SYCP2: variants seen among roughly 807,000 people sequenced by gnomAD.
SYCP2 encodes the protein synaptonemal complex protein 2.
Under a neutral mutation model 211.3 loss-of-function variants are expected in SYCP2, and 55 were observed. The observed-to-expected ratio is 0.26, with a 90% confidence interval of 0.21 to 0.33. The LOEUF (loss-of-function observed/expected upper bound fraction) is 0.33, where lower values mean the gene tolerates loss of function less well. Ranked by LOEUF, SYCP2 falls within the 10% of genes least tolerant of loss-of-function variation. The probability of loss-of-function intolerance (pLI) is 1.00; values close to 1 mark genes in which losing one functional copy is unlikely to be tolerated. For missense variants in SYCP2, 1,731 were observed against 1,752.0 expected, an observed-to-expected ratio of 0.99 and a Z score of 0.21; for synonymous variants, 570 against 555.2, an observed-to-expected ratio of 1.03 and a Z score of -0.37.
chr20:59,914,636 GATTT>G (rs1050351597), intron 10 of SYCP2, among the ~76,000 whole-genome samples: 73 of 152,016 alleles, frequency 4.8e-4, no homozygotes, highest in African/African-American at 1.6e-3. Context: ...TTTAAACCAT[GATTT>G]ATTCTACATG....
chr20:59,912,051 A>G, intron 13 of SYCP2: 1 of 417,676 alleles, frequency 2.4e-6, no homozygotes, highest in East Asian at 3.8e-5. Flanking sequence ...ACTAGCTCCA[A>G]GAAATTATGA....
Position 59,880,295 on chromosome 20 carries a change from T to C in SYCP2, c.2941+8A>G. On this transcript the variant is annotated splice_region_variant and intron_variant, in intron 31 of 44. Coordinates refer to ENST00000357552, the MANE Select transcript of SYCP2 (RefSeq NM_014258.4). ...TTTGCAACATTTATCCAAAAGATAA[T>C]TTCTTACTTGATTTTCCACTTTTAT... 6.4e-7 allele frequency: 1 copy of C among 1,560,012 alleles called. No homozygotes were observed. The highest frequency in any genetic ancestry group is 2.3e-5 in the East Asian group (1 of 43,720).
At chr20:59,918,918 T>C (rs2060490271) in intron 7 of SYCP2, among the ~76,000 whole-genome samples, 1 of 152,122 alleles carries the variant, frequency 6.6e-6, no homozygotes, top group South Asian at 2.1e-4. Context: ...AAATTATTCA[T>C]AGAAATTTGT....
intron 24 of SYCP2, among the ~76,000 whole-genome samples, chr20:59,890,613 C>G (rs951078938): frequency 6.6e-6 from 1 of 151,868 alleles, no homozygotes; most frequent in Non-Finnish European, 1.5e-5. Context: ...TAGGTAGAGA[C>G]AGTGATTCAT....
chr20:59,927,772 T>C (rs753304123), intron 2 of SYCP2, among the ~76,000 whole-genome samples: 17 of 152,132 alleles, frequency 1.1e-4, no homozygotes, highest in Non-Finnish European at 2.4e-4. Flanking sequence ...AAATATTTGA[T>C]TGGTAAATTT....
intron 12 of SYCP2, among the ~76,000 whole-genome samples, chr20:59,913,706 G>C (rs192330749): frequency 1.3e-4 from 20 of 152,078 alleles, no homozygotes; most frequent in Non-Finnish European, 2.1e-4. Flanking sequence ...AACATCTAAA[G>C]TTATTAATTA....
intron 2 of SYCP2, among the ~76,000 whole-genome samples, chr20:59,930,428 C>G (rs1176655301): frequency 6.6e-6 from 1 of 152,146 alleles, no homozygotes; most frequent in Non-Finnish European, 1.5e-5. Flanking sequence ...CAAATCCTTC[C>G]CCTGCAAAGC....
At chr20:59,899,606 G>A (rs757839537) in intron 18 of SYCP2, among the ~76,000 whole-genome samples, 2 of 152,120 alleles carry the variant, frequency 1.3e-5, no homozygotes, top group Admixed American at 6.5e-5. Context: ...AAAGGGAACC[G>A]TGGTATACAA....
At chr20:59,891,931 T>C in intron 24 of SYCP2, 59 bp downstream of exon 24, 5 of 1,397,194 alleles carry the variant, frequency 3.6e-6, no homozygotes, top group Non-Finnish European at 3.9e-6. Context: ...CTTTCTTTCT[T>C]ATGTTATCAA....
At position 59,881,473 on chromosome 20, in the gene SYCP2, G is replaced by A. The variant is rs199716008; in HGVS notation, c.2678C>T (p.Thr893Ile). The change falls in exon 29 of 45, where the codon ACA becomes ATA. Residue 893 changes from threonine to isoleucine, a missense_variant. By Grantham distance (89) the Thr-to-Ile change is moderately conservative. This residue lies in a region of SYCP2 where 1,387 missense variants were observed against 1,351.3 expected (regional missense o/e 1.03). Transcript: ENST00000357552. ...CCTATCCGCACAAGCTTCTTTAGCTGTAGCTTGAAACTCTTGGATCTATAT... is the reference window on the plus strand; with the variant it reads ...CCTATCCGCACAAGCTTCTTTAGCTATAGCTTGAAACTCTTGGATCTATAT... ...IKLGIQEFQA[T>I]AKEACADRSI... The A allele has an allele frequency of 3.3e-6, 5 of 1,535,746 alleles. No individual in the cohort carries two copies. In the African/African-American group the frequency reaches 4.2e-5, roughly 13 times the overall value.
At chr20:59,870,441 GTCT>G (rs1327136434) in intron 35 of SYCP2, among the ~76,000 whole-genome samples, 1 of 151,572 alleles carries the variant, frequency 6.6e-6, no homozygotes, top group Non-Finnish European at 1.5e-5. Flanking sequence ...TTTAAAAAAA[GTCT>G]TTTTTTTAAT....
At chr20:59,870,027 T>C (rs1472235939) in intron 35 of SYCP2, 44 bp from the exon 36 acceptor site, 1 of 1,333,984 alleles carries the variant, frequency 7.5e-7, no homozygotes, top group African/African-American at 1.5e-5. Context: ...AGTTACAAAA[T>C]TGTTCAAAGC....
chr20:59,927,105 G>C (rs2060647686), intron 2 of SYCP2, among the ~76,000 whole-genome samples: 1 of 152,136 alleles, frequency 6.6e-6, no homozygotes, highest in African/African-American at 2.4e-5. Flanking sequence ...CTCCACCAAA[G>C]AATCTGACTG....
intron 15 of SYCP2, among the ~76,000 whole-genome samples, chr20:59,905,359 A>C (rs1235378258): frequency 1.3e-5 from 2 of 152,338 alleles, no homozygotes; most frequent in Admixed American, 1.3e-4. Flanking sequence ...GGAACATTAC[A>C]AATGCTCACT....
chr20:59,877,331 ATATTTAG>A, intron 33 of SYCP2, 47 bp downstream of exon 33: 1 of 1,196,298 alleles, frequency 8.4e-7, no homozygotes, highest in South Asian at 2.4e-5. Flanking sequence ...ACAAAAATAT[ATATTTAG>A]TATTTTAAGA....
intron 14 of SYCP2, among the ~76,000 whole-genome samples, chr20:59,908,091 A>C (rs1040127324): frequency 2.0e-5 from 3 of 150,086 alleles, no homozygotes; most frequent in South Asian, 2.1e-4. Context: ...CTAAAAATAC[A>C]AAAAAAAATT....
intron 2 of SYCP2, among the ~76,000 whole-genome samples, chr20:59,931,682 C>A (rs1248132034): frequency 6.6e-6 from 1 of 152,104 alleles, no homozygotes; most frequent in Non-Finnish European, 1.5e-5. Flanking sequence ...GAAAAAAGTA[C>A]AGCCAAAGAG....
chr20:59,884,698 T>C (rs2059752325), intron 26 of SYCP2, among the ~76,000 whole-genome samples: 1 of 152,038 alleles, frequency 6.6e-6, no homozygotes, highest in African/African-American at 2.4e-5. Context: ...CATTCACCTG[T>C]TGCATCGTTT....
chr20:59,894,787 T>G (rs1450292849), intron 20 of SYCP2, among the ~76,000 whole-genome samples: 1 of 152,098 alleles, frequency 6.6e-6, no homozygotes, highest in Non-Finnish European at 1.5e-5. Context: ...CAAGCTTATC[T>G]GCATCGCTGA....
Sources: gnomAD v4.1 joint callset for allele counts (sites outside exome capture counted in the v4.1 genomes callset) on GRCh38, gnomAD v4.1.1 for gene constraint, gnomAD v4.1.1 regional missense constraint, MANE v1.5 for transcripts, NCBI Gene and HGNC (gene_info 2026-07-23, HGNC 2026-07-21) for gene names.